ZUP1: variants seen among roughly 807,000 people sequenced by gnomAD.
ZUP1 encodes the protein zinc finger-containing ubiquitin peptidase 1.
Under a neutral mutation model 68.1 loss-of-function variants are expected in ZUP1, and 55 were observed. The ratio of observed to expected loss-of-function variants is 0.81; its 90% confidence interval spans 0.65 to 1.01. ZUP1 has a LOEUF of 1.01. ZUP1 is among the 50% of genes least tolerant of loss of function. ZUP1 has a pLI of 0.00. For synonymous variants in ZUP1, 223 were observed against 221.5 expected (o/e 1.01, Z -0.06); for missense variants, 684 against 674.9 (o/e 1.01, Z -0.15).
chr6:116,660,281 T>C (rs1180707156), intron 3 of ZUP1: 1 of 153,826 alleles, frequency 6.5e-6, no homozygotes, highest in African/African-American at 2.4e-5. Flanking sequence ...TCTTGGGATC[T>C]ACTTTTTATT....
chr6:116,666,881 A>C lies in ZUP1; in HGVS notation c.312T>G (p.Ala104=), dbSNP rs770740529. 11 of 1,610,896 alleles carry C rather than the reference A, an allele frequency of 6.8e-6. No individual in the cohort carries two copies. The highest frequency in any genetic ancestry group is 8.5e-6 in the Non-Finnish European group (10 of 1,179,020). The change falls in exon 2 of 10, where the codon GCT becomes GCG. Residue 104 remains alanine, a synonymous_variant. Coordinates refer to ENST00000368576, the MANE Select transcript of ZUP1 (RefSeq NM_145062.3). ...AAGTACTATCTTTAGTCAGGTTTTG[A>C]GCTGAATTTTTTGGATGATTAGATG... ...GCASNHPKNS[A]QNLTKDSTLK...
chr6:116,666,558 A>G, intron 2 of ZUP1, 76 bp downstream of exon 2: 1 of 1,338,432 alleles, frequency 7.5e-7, no homozygotes, highest in African/African-American at 1.5e-5. Context: ...AAGCTGACTT[A>G]CAAACCAACT....
chr6:116,667,284 T>C, intron 1 of ZUP1, 77 bp from the exon 2 acceptor site: 1 of 1,022,030 alleles, frequency 9.8e-7, no homozygotes, highest in Non-Finnish European at 1.4e-6. Flanking sequence ...AGACAATTAC[T>C]TGGTCTTTAA....
At position 116,635,705 on chromosome 6, in the gene ZUP1, GAAATT is replaced by G; in HGVS notation, c.*122_*126del. 3.2e-6 allele frequency: 2 copies of G among 620,010 alleles called. No individual in the cohort carries two copies. The highest frequency in any genetic ancestry group is 5.8e-5 in the South Asian group (2 of 34,388). 38.4% of individuals were successfully genotyped at this position (620,010 alleles called of 1,614,324 possible). ...TAATTCAATTAACACAGGCATTTTA[GAAATT>G]AAATTATATGTTAAGACTTAAGAGA... On this transcript the variant is annotated 3_prime_UTR_variant, in exon 10 of 10. Coordinates refer to ENST00000368576, the MANE Select transcript of ZUP1 (RefSeq NM_145062.3).
At chr6:116,642,936 C>G (rs2115384105) in intron 9 of ZUP1, among the ~76,000 whole-genome samples, 1 of 152,268 alleles carries the variant, frequency 6.6e-6, no homozygotes, top group East Asian at 1.9e-4. Context: ...ATCTAGAAAA[C>G]CCCACTGTCT....
In ZUP1 at chr6:116,644,307, A is replaced by C. The variant is rs1776217802; in HGVS notation, c.1689+1407T>G. ...GATTCCTCAGGGATCTAGAACTAGA[A>C]ATACCATTTGACCCAGCCATCCTAT... On this transcript the variant is annotated intron_variant, in intron 9 of 9. Coordinates refer to ENST00000368576, the MANE Select transcript of ZUP1 (RefSeq NM_145062.3). 4.6e-5 allele frequency among the ~76,000 whole-genome samples: 7 copies of C among 152,318 alleles called. 1 individual carries two copies. The South Asian group carries it at 1.4e-3, about 32-fold the overall frequency.
intron 2 of ZUP1, among the ~76,000 whole-genome samples, chr6:116,666,327 C>T (rs1777007960): frequency 2.0e-5 from 3 of 152,100 alleles, no homozygotes; most frequent in Admixed American, 2.0e-4. Flanking sequence ...GAACTCAATG[C>T]AAAGTCAGAG....
At chr6:116,640,205 C>A (rs1168263527) in intron 9 of ZUP1, among the ~76,000 whole-genome samples, 1 of 152,208 alleles carries the variant, frequency 6.6e-6, no homozygotes, top group South Asian at 2.1e-4. Context: ...ACCAAATCTA[C>A]GTCTGATTGG....
intron 9 of ZUP1, among the ~76,000 whole-genome samples, chr6:116,643,033 T>C (rs1277869961): frequency 4.0e-5 from 6 of 151,724 alleles, no homozygotes; most frequent in Admixed American, 6.6e-5. Flanking sequence ...AGCATTCTTA[T>C]ACACCAATAA....
intron 9 of ZUP1, among the ~76,000 whole-genome samples, chr6:116,644,180 C>T (rs1776214085): frequency 6.6e-6 from 1 of 152,142 alleles, no homozygotes; most frequent in Admixed American, 6.6e-5. Context: ...ATTAAAAAGT[C>T]AGGAAACAAC....
intron 2 of ZUP1, among the ~76,000 whole-genome samples, chr6:116,664,153 G>A (rs1776924297): frequency 6.6e-6 from 1 of 152,150 alleles, no homozygotes; most frequent in South Asian, 2.1e-4. Flanking sequence ...ACACAAGCCT[G>A]GGCGCGGTGG....
At chr6:116,659,948 G>A (rs1000561203) in intron 3 of ZUP1, among the ~76,000 whole-genome samples, 5 of 152,132 alleles carry the variant, frequency 3.3e-5, no homozygotes, top group Admixed American at 6.5e-5. Context: ...TGTCCCCTGA[G>A]GTTATCTACA....
rs1428087354 is a variant in ZUP1, at chr6:116,647,478, A to G, written c.1449T>C (p.Pro483=). ...ACTAACCTTGATGCTGAAGATAGATAGGAGGTTTAGATGTACACACTACCT... is the reference window on the plus strand; with the variant it reads ...ACTAACCTTGATGCTGAAGATAGATGGGAGGTTTAGATGTACACACTACCT... The part of the protein sequence containing the change: ...SPKVVCTSKP[P]IYLQHQGHSR... Residue 483 remains proline (P), a synonymous_variant, in exon 8 of 10, where the codon CCT becomes CCC. Coordinates refer to ENST00000368576, the MANE Select transcript of ZUP1 (RefSeq NM_145062.3). 14 of 1,572,634 alleles carry G rather than the reference A, an allele frequency of 8.9e-6. No individual in the cohort carries two copies. Among genetic ancestry groups the G allele is most frequent in the Non-Finnish European group, 1.2e-5 (14 of 1,154,614 alleles).
intron 9 of ZUP1, among the ~76,000 whole-genome samples, chr6:116,645,330 C>T (rs945197787): frequency 6.6e-6 from 1 of 151,802 alleles, no homozygotes; most frequent in Admixed American, 6.6e-5. Context: ...CCTGTAATCC[C>T]AACACTTTGG....
intron 2 of ZUP1, among the ~76,000 whole-genome samples, chr6:116,664,241 G>A (rs1319688461): frequency 1.3e-5 from 2 of 152,054 alleles, no homozygotes; most frequent in Non-Finnish European, 2.9e-5. Flanking sequence ...GACCAGCCTG[G>A]CCAACATGGC....
intron 5 of ZUP1, among the ~76,000 whole-genome samples, chr6:116,652,926 T>G (rs1238080477): frequency 6.6e-6 from 1 of 152,166 alleles, no homozygotes; most frequent in African/African-American, 2.4e-5. Flanking sequence ...GCTGTAATTT[T>G]GGCTGTGGCC....
chr6:116,652,299 A>C, intron 5 of ZUP1, 107 bp from the exon 6 acceptor site: 1 of 828,516 alleles, frequency 1.2e-6, no homozygotes, highest in Non-Finnish European at 1.8e-6. Flanking sequence ...AAATCCTGTT[A>C]ATTCCATCTT....
intron 2 of ZUP1, among the ~76,000 whole-genome samples, chr6:116,664,217 G>C (rs1339302933): frequency 6.6e-6 from 1 of 152,162 alleles, no homozygotes; most frequent in Non-Finnish European, 1.5e-5. Context: ...GATCATCTGA[G>C]GTTAGGAGTT....
chr6:116,642,738 T>A (rs1042865053), intron 9 of ZUP1, among the ~76,000 whole-genome samples: 48 of 152,186 alleles, frequency 3.2e-4, no homozygotes, highest in African/African-American at 1.1e-3. Flanking sequence ...TCATACTGAA[T>A]GGGCAAAAAC....
Sources: allele counts gnomAD v4.1 joint callset (sites outside exome capture counted in the v4.1 genomes callset), GRCh38; gene constraint gnomAD v4.1.1; transcripts MANE v1.5; gene names NCBI Gene and HGNC (gene_info 2026-07-23, HGNC 2026-07-21).